Variants in MEGF10 observed in about 807,000 individuals in gnomAD.
MEGF10 encodes the protein multiple EGF like domains 10.
Under a neutral mutation model 147.5 loss-of-function variants are expected in MEGF10, and 86 were observed. That is an observed-to-expected ratio of 0.58 (90% CI 0.49 to 0.70). The LOEUF (loss-of-function observed/expected upper bound fraction) is 0.70, where lower values mean the gene tolerates loss of function less well. Ranked by LOEUF, MEGF10 falls within the 30% of genes least tolerant of loss-of-function variation. The pLI is 0.00. For synonymous variants in MEGF10, 478 were observed against 525.5 expected, an observed-to-expected ratio of 0.91 and a Z score of 1.24; for missense variants, 1,329 against 1,487.3, an observed-to-expected ratio of 0.89 and a Z score of 1.75.
intron 5 of MEGF10, among the ~76,000 whole-genome samples, chr5:127,375,908 T>A (rs1763009147): frequency 6.6e-6 from 1 of 152,258 alleles, no homozygotes; most frequent in Non-Finnish European, 1.5e-5. Flanking sequence ...ATGATTACTG[T>A]GTGCAAGGGA....
intron 1 of MEGF10, among the ~76,000 whole-genome samples, chr5:127,313,459 G>A (rs1044659305): frequency 6.6e-6 from 1 of 152,120 alleles, no homozygotes; most frequent in Admixed American, 6.5e-5. Context: ...TGTTAATAAA[G>A]CATAAACTTA....
rs892741927 is a variant in MEGF10, at chr5:127,460,708, T to C, written c.*3390T>C. On this transcript the variant is annotated 3_prime_UTR_variant, in exon 25 of 25. Coordinates refer to ENST00000503335, the MANE Select transcript of MEGF10 (RefSeq NM_001256545.2). Reference sequence around the variant, plus strand: ...ATGTCAATATTAGTAGTCCACTTTATGCTTAAAATAAAATCATAAAAAATC... The same window carrying C: ...ATGTCAATATTAGTAGTCCACTTTACGCTTAAAATAAAATCATAAAAAATC... The C allele has an allele frequency of 5.9e-5, 9 of 152,208 alleles. No homozygotes were observed. Among genetic ancestry groups the C allele is most frequent in the African/African-American group, 1.7e-4 (7 of 41,464 alleles). The allele number at this position is 152,208 out of a possible 1,614,324, so 9.4% of individuals were successfully genotyped here.
chr5:127,381,631 A>G (rs1322445114), intron 5 of MEGF10, among the ~76,000 whole-genome samples: 1 of 152,014 alleles, frequency 6.6e-6, no homozygotes, highest in East Asian at 1.9e-4. Context: ...TAGGTGTTGT[A>G]GTTTATTTTA....
intron 24 of MEGF10, among the ~76,000 whole-genome samples, chr5:127,456,372 A>G (rs1235594619): frequency 1.3e-5 from 2 of 152,210 alleles, no homozygotes; most frequent in Non-Finnish European, 2.9e-5. Flanking sequence ...GGGAAATGAT[A>G]AAACATTCCA....
At chr5:127,389,585 C>A (rs116704531) in intron 5 of MEGF10, among the ~76,000 whole-genome samples, 18,056 of 152,134 alleles carry the variant, frequency 0.12, 1,109 homozygotes, top group Non-Finnish European at 0.13. Flanking sequence ...GAATACTGTG[C>A]AGCCATATAA....
In MEGF10 at chr5:127,410,583, A is replaced by T. The variant is rs775006586; in HGVS notation, c.1112A>T (p.His371Leu). ...AAATGTGACAAACGGTGTCCCTGCC[A>T]CCTGGAAAACACTCATAGGTGAGTG... Reference protein sequence around the residue: ...GIKCDKRCPCHLENTHSCHPM... With the variant: ...GIKCDKRCPCLLENTHSCHPM... The change falls in exon 9 of 25, where the codon CAC (histidine) becomes CTC (leucine). Residue 371 changes from histidine to leucine, a missense_variant. This residue lies in a region of MEGF10 where 980 missense variants were observed against 1,085.9 expected (regional missense o/e 0.90). Transcript: ENST00000503335. 1 of 1,608,714 alleles carries T rather than the reference A, an allele frequency of 6.2e-7. No homozygotes were observed. Among genetic ancestry groups the T allele is most frequent in the Non-Finnish European group, 8.5e-7 (1 of 1,179,476 alleles).
chr5:127,256,463 C>T, the MEGF10 span, among the ~76,000 whole-genome samples: 2 of 152,140 alleles, frequency 1.3e-5, no homozygotes, highest in African/African-American at 4.8e-5. Flanking sequence ...GATGTTTCCT[C>T]AAGGATATCC....
chr5:127,275,754 G>A, the MEGF10 span, among the ~76,000 whole-genome samples: 1 of 152,074 alleles, frequency 6.6e-6, no homozygotes, highest in East Asian at 1.9e-4. Flanking sequence ...CCAACAGAAG[G>A]GGTGAAGGAC....
At chr5:127,359,099 A>G (rs1762380458) in intron 4 of MEGF10, among the ~76,000 whole-genome samples, 1 of 151,376 alleles carries the variant, frequency 6.6e-6, no homozygotes, top group Non-Finnish European at 1.5e-5. Flanking sequence ...TTTGTAGAGG[A>G]AAAGCTTAGT....
rs370118573 is a variant in MEGF10, at chr5:127,329,630, GA to G, written c.-18-1657del. ...CAAATATTAAAAACTTCTTGGCATG[GA>G]AAATGAGTATAACTTCTTAAAATGC... On this transcript the variant is annotated intron_variant, in intron 1 of 24. Transcript: ENST00000503335. Among the ~76,000 whole-genome samples, 309 of 151,528 alleles carry G rather than the reference GA, an allele frequency of 2.0e-3. 1 individual carries two copies. Among genetic ancestry groups the G allele is most frequent in the African/African-American group, 7.1e-3 (295 of 41,288 alleles).
At chr5:127,450,873 C>T (rs1026623366) in intron 22 of MEGF10, among the ~76,000 whole-genome samples, 7 of 152,118 alleles carry the variant, frequency 4.6e-5, no homozygotes, top group African/African-American at 1.7e-4. Flanking sequence ...ATTCTCCTGC[C>T]TTAGCCTCCC....
the MEGF10 span, among the ~76,000 whole-genome samples, chr5:127,256,133 G>A: frequency 2.6e-5 from 4 of 152,148 alleles, no homozygotes; most frequent in African/African-American, 9.7e-5. Context: ...AGTTAAAACT[G>A]TACCTGGTAT....
intron 2 of MEGF10, among the ~76,000 whole-genome samples, 177 bp downstream of exon 2, chr5:127,331,601 C>A (rs1287372783): frequency 6.6e-6 from 1 of 152,124 alleles, no homozygotes; most frequent in Non-Finnish European, 1.5e-5. Flanking sequence ...GGTCTTATAG[C>A]ATATATATTA....
At position 127,388,263 on chromosome 5, in the gene MEGF10, C is replaced by T. The variant is rs143530395; in HGVS notation, c.413-8269C>T. Reference sequence around the variant, plus strand: ...TCCTGGACTCAAGCAATCCTTCCTCCTCAGCCTCCTGAGTAGCTGGGACTA... The same window carrying T: ...TCCTGGACTCAAGCAATCCTTCCTCTTCAGCCTCCTGAGTAGCTGGGACTA... On this transcript the variant is annotated intron_variant, in intron 5 of 24. Coordinates refer to ENST00000503335, the MANE Select transcript of MEGF10 (RefSeq NM_001256545.2). Among the ~76,000 whole-genome samples the T allele has an allele frequency of 5.0e-3, 758 of 152,070 alleles. 5 individuals carry two copies. Among genetic ancestry groups the T allele is most frequent in the African/African-American group, 0.018 (729 of 41,480 alleles).
At chr5:127,259,982 C>A in the MEGF10 span, among the ~76,000 whole-genome samples, 40 of 151,978 alleles carry the variant, frequency 2.6e-4, no homozygotes, top group Middle Eastern at 6.8e-3. Flanking sequence ...CATGGTGAAA[C>A]CCTGTCTCTA....
chr5:127,325,547 G>T (rs1050241963), intron 1 of MEGF10, among the ~76,000 whole-genome samples: 2 of 152,034 alleles, frequency 1.3e-5, no homozygotes, highest in African/African-American at 4.8e-5. Context: ...GTAGGGCCAC[G>T]TCTCTGTTCC....
At chr5:127,310,091 G>A (rs1055103630) in intron 1 of MEGF10, among the ~76,000 whole-genome samples, 6 of 142,482 alleles carry the variant, frequency 4.2e-5, no homozygotes, top group East Asian at 2.1e-4. Context: ...TCTTTGTTTC[G>A]GAGGGGGTGA....
intron 2 of MEGF10, among the ~76,000 whole-genome samples, chr5:127,336,011 G>A (rs1028220523): frequency 1.4e-5 from 2 of 142,304 alleles, no homozygotes; most frequent in African/African-American, 5.1e-5. Context: ...TTAAGTGGAC[G>A]CTTCAGTTTC....
chr5:127,282,891 A>G, the MEGF10 span, among the ~76,000 whole-genome samples: 1 of 152,234 alleles, frequency 6.6e-6, no homozygotes, highest in Admixed American at 6.5e-5. Context: ...TGAGAGCATC[A>G]TGTGAAGACT....
Sources: gnomAD v4.1 joint callset for allele counts (sites outside exome capture counted in the v4.1 genomes callset) on GRCh38, gnomAD v4.1.1 for gene constraint, gnomAD v4.1.1 regional missense constraint, MANE v1.5 for transcripts, NCBI Gene and HGNC (gene_info 2026-07-23, HGNC 2026-07-21) for gene names.